CEP63: variants seen among roughly 807,000 people sequenced by gnomAD.
The protein encoded by CEP63 is centrosomal protein of 63 kDa.
A neutral mutation model predicts 89.1 loss-of-function variants in CEP63; 84 were observed. The observed-to-expected ratio is 0.94, with a 90% confidence interval of 0.79 to 1.13. The LOEUF (loss-of-function observed/expected upper bound fraction) is 1.13. Among genes scored for constraint, CEP63 ranks in the 50% most tolerant of loss-of-function variants. The pLI is 0.00. For synonymous variants in CEP63, 267 were observed against 272.5 expected, an observed-to-expected ratio of 0.98 and a Z score of 0.20; for missense variants, 838 against 813.3, an observed-to-expected ratio of 1.03 and a Z score of -0.37.
chr3:134,756,515 G>A, the CEP63 span, among the ~76,000 whole-genome samples: 1 of 152,094 alleles, frequency 6.6e-6, no homozygotes, highest in Non-Finnish European at 1.5e-5. Context: ...CACCACACCT[G>A]GATAGTTTTT....
the CEP63 span, chr3:134,625,138 G>A: frequency 6.3e-7 from 1 of 1,592,114 alleles, no homozygotes; most frequent in Non-Finnish European, 8.6e-7. Flanking sequence ...GGGGTAGGCT[G>A]GAAACACAGG....
At chr3:134,530,756 CTT>C (rs34526611) in intron 3 of CEP63, among the ~76,000 whole-genome samples, 1 of 152,006 alleles carries the variant, frequency 6.6e-6, no homozygotes, top group Non-Finnish European at 1.5e-5. Context: ...TTTAGAATGA[CTT>C]TTTCAAGTTT....
chr3:134,767,062 G>C, the CEP63 span, among the ~76,000 whole-genome samples: 1 of 152,132 alleles, frequency 6.6e-6, no homozygotes, highest in African/African-American at 2.4e-5. Flanking sequence ...CTCTGAAGGG[G>C]GATCTGGTCT....
intron 2 of CEP63, among the ~76,000 whole-genome samples, chr3:134,502,134 T>C (rs1160395167): frequency 6.6e-6 from 1 of 152,258 alleles, no homozygotes; most frequent in Non-Finnish European, 1.5e-5. Context: ...ATCACATTTA[T>C]TGATTTTTGC....
the CEP63 span, among the ~76,000 whole-genome samples, chr3:134,632,111 AC>A: frequency 6.6e-6 from 1 of 152,130 alleles, no homozygotes; most frequent in African/African-American, 2.4e-5. Flanking sequence ...GTTTTAAAAT[AC>A]ATGAAACAAG....
chr3:134,740,586 C>T, the CEP63 span, among the ~76,000 whole-genome samples: 76,466 of 152,020 alleles, frequency 0.5, 22,688 homozygotes, highest in East Asian at 0.78. Flanking sequence ...CGTGAGCCAC[C>T]GTGCCCCGCC....
chr3:134,739,444 T>C, the CEP63 span, among the ~76,000 whole-genome samples: 1 of 152,136 alleles, frequency 6.6e-6, no homozygotes, highest in Non-Finnish European at 1.5e-5. Context: ...CTCTTATATA[T>C]ATACCGGGAG....
the CEP63 span, chr3:134,651,755 G>T: frequency 2.7e-6 from 1 of 364,576 alleles, no homozygotes; most frequent in Non-Finnish European, 3.8e-6. Context: ...TGGGGAAGGA[G>T]GGAGGGGGAG....
chr3:134,651,105 G>T, the CEP63 span: 3 of 1,511,098 alleles, frequency 2.0e-6, no homozygotes, highest in African/African-American at 4.2e-5. Context: ...GCCGCAGGGC[G>T]CTGCTTTTCG....
chr3:134,546,767 G>T (rs1344583601), intron 8 of CEP63, among the ~76,000 whole-genome samples: 3 of 152,162 alleles, frequency 2.0e-5, no homozygotes, highest in African/African-American at 7.2e-5. Context: ...ATAAAATTTT[G>T]TGTGGTTAAT....
the CEP63 span, among the ~76,000 whole-genome samples, chr3:134,720,807 G>A: frequency 6.6e-6 from 1 of 151,976 alleles, no homozygotes; most frequent in Non-Finnish European, 1.5e-5. Context: ...GTTTATTTCT[G>A]GACTCTCAAT....
downstream of CEP63, among the ~76,000 whole-genome samples, chr3:134,590,802 C>T (rs1331291648): frequency 6.6e-6 from 1 of 152,200 alleles, no homozygotes; most frequent in East Asian, 1.9e-4. Context: ...TATACAATTC[C>T]CTCAATAAAG....
chr3:134,560,622 G>C lies in CEP63; in HGVS notation c.1954-755G>C, dbSNP rs758767783. 1.3e-4 allele frequency among the ~76,000 whole-genome samples: 20 copies of C among 152,166 alleles called. 1 individual carries two copies. Among genetic ancestry groups the C allele is most frequent in the Non-Finnish European group, 2.9e-4 (20 of 68,028 alleles). On this transcript the variant is annotated intron_variant, in intron 14 of 14. Coordinates refer to ENST00000675561, the MANE Select transcript of CEP63 (RefSeq NM_001353108.3). Reference sequence around the variant, plus strand: ...AGCACCAGTTAGTGGGGCAGCCTCAGGAGAGTTACCACTTCTGAACCTCAT... The same window carrying C: ...AGCACCAGTTAGTGGGGCAGCCTCACGAGAGTTACCACTTCTGAACCTCAT...
At chr3:134,552,357 C>A in intron 12 of CEP63, 1 of 174,456 alleles carries the variant, frequency 5.7e-6, no homozygotes, top group Non-Finnish European at 1.2e-5. Context: ...GCATGCGCCA[C>A]CACACCTGGC....
the CEP63 span, among the ~76,000 whole-genome samples, chr3:134,667,694 A>T: frequency 6.6e-6 from 1 of 152,302 alleles, no homozygotes; most frequent in African/African-American, 2.4e-5. Flanking sequence ...TGGCTGTGCC[A>T]TGCCCAGCCC....
the CEP63 span, among the ~76,000 whole-genome samples, chr3:134,703,965 T>C: frequency 6.6e-6 from 1 of 152,224 alleles, no homozygotes; most frequent in South Asian, 2.1e-4. Context: ...TACTTTCCCA[T>C]TGGCTTCTGG....
the CEP63 span, chr3:134,620,787 C>A: frequency 3.1e-6 from 5 of 1,613,730 alleles, no homozygotes; most frequent in Non-Finnish European, 4.2e-6. Context: ...GGCGCGGACC[C>A]TTTCCAGGTC....
At chr3:134,530,659 T>G (rs566641906) in intron 3 of CEP63, among the ~76,000 whole-genome samples, 1 of 152,322 alleles carries the variant, frequency 6.6e-6, no homozygotes, top group South Asian at 2.1e-4. Flanking sequence ...CATCCAGAAA[T>G]TCAGTTACAT....
the CEP63 span, among the ~76,000 whole-genome samples, chr3:134,690,743 A>ATTTTTTTT: frequency 1.6e-4 from 19 of 120,796 alleles, no homozygotes; most frequent in African/African-American, 5.9e-4. Context: ...GAAGACCAAG[A>ATTTTTTTT]TTTTTTTTTT....
Sources: allele counts gnomAD v4.1 joint callset (sites outside exome capture counted in the v4.1 genomes callset), GRCh38; gene constraint gnomAD v4.1.1; transcripts MANE v1.5; gene names NCBI Gene and HGNC (gene_info 2026-07-23, HGNC 2026-07-21).